IFFO2: variants seen among roughly 807,000 people sequenced by gnomAD.
IFFO2 encodes the protein intermediate filament family orphan 2.
In IFFO2, 19 loss-of-function variants were observed where a neutral mutation model predicts 53.5. That is an observed-to-expected ratio of 0.36 (90% CI 0.25 to 0.52). The LOEUF (loss-of-function observed/expected upper bound fraction) is 0.52, where lower values mean the gene tolerates loss of function less well. Among genes scored for constraint, IFFO2 ranks in the 20% least tolerant of loss-of-function variants. The pLI, the probability that IFFO2 is intolerant of heterozygous loss-of-function variation, is 0.94. For synonymous variants in IFFO2, 303 were observed against 313.6 expected (o/e 0.97, Z 0.36); for missense variants, 570 against 727.4 (o/e 0.78, Z 2.49).
At chr1:18,953,710 G>A (rs190291088) in intron 1 of IFFO2, among the ~76,000 whole-genome samples, 2 of 152,238 alleles carry the variant, frequency 1.3e-5, no homozygotes, top group Non-Finnish European at 2.9e-5. Context: ...AGAAGGGCGG[G>A]AAGAGAGACG....
chr1:18,935,916 A>C (rs1426846146), intron 1 of IFFO2, among the ~76,000 whole-genome samples: 1 of 124,510 alleles, frequency 8.0e-6, no homozygotes, highest in Non-Finnish European at 1.6e-5. Flanking sequence ...TATGTTGCCC[A>C]GATTGGTCTC....
chr1:18,908,138 G>T lies in IFFO2; in HGVS notation c.*423C>A. ...GCATAGCCCATGGCCAATCAGAGGA[G>T]CAGGTGGGACGGACGGCAGAAACCA... On this transcript the variant is annotated 3_prime_UTR_variant, in exon 9 of 9. Transcript: ENST00000455833. 4.7e-6 allele frequency: 1 copy of T among 211,628 alleles called. No individual in the cohort carries two copies. Among genetic ancestry groups the T allele is most frequent in the South Asian group, 7.4e-5 (1 of 13,532 alleles). 13.1% of individuals were successfully genotyped at this position (211,628 alleles called of 1,614,324 possible).
At chr1:18,926,010 TGGA>T (rs1184650760) in intron 1 of IFFO2, among the ~76,000 whole-genome samples, 7 of 78,496 alleles carry the variant, frequency 8.9e-5, no homozygotes, top group African/African-American at 1.6e-4. Context: ...ATTGGTTGGA[TGGA>T]TGGATGGATG....
chr1:18,932,441 C>A (rs1019410754), intron 1 of IFFO2, among the ~76,000 whole-genome samples: 3 of 152,304 alleles, frequency 2.0e-5, no homozygotes, highest in East Asian at 1.9e-4. Context: ...CACCCCTGAC[C>A]CCCCCAGACT....
intron 1 of IFFO2, among the ~76,000 whole-genome samples, chr1:18,925,904 T>G (rs1249940794): frequency 9.2e-4 from 11 of 11,900 alleles, no homozygotes; most frequent in East Asian, 2.1e-3. Flanking sequence ...TTGGATGGAT[T>G]GGTTGGATGG....
Position 18,918,508 on chromosome 1 carries a change from G to T in IFFO2, c.823-6C>A. On this transcript the variant is annotated splice_polypyrimidine_tract_variant and splice_region_variant and intron_variant, in intron 3 of 8. Coordinates refer to ENST00000455833, the MANE Select transcript of IFFO2 (RefSeq NM_001136265.2). This position sits in a 1 kb window ranked among gnomAD's most constrained non-coding sequence, Gnocchi z 5.2. ...GTGTCCAGGTCTGTCATGGGCTGCA[G>T]GGAGGACAGCAGGGTTTACATGAGC... The T allele has an allele frequency of 6.4e-7, 1 of 1,552,376 alleles. No homozygotes were observed. Among genetic ancestry groups the T allele is most frequent in the South Asian group, 1.2e-5 (1 of 84,060 alleles).
At chr1:18,937,649 AT>A (rs1557647022) in intron 1 of IFFO2, among the ~76,000 whole-genome samples, 2 of 152,210 alleles carry the variant, frequency 1.3e-5, no homozygotes, top group Admixed American at 6.5e-5. Context: ...GGAGCTTGTC[AT>A]CTCCTCACCC....
At chr1:18,908,985 T>G (rs966951939) in intron 8 of IFFO2, among the ~76,000 whole-genome samples, 2 of 151,926 alleles carry the variant, frequency 1.3e-5, no homozygotes, top group Non-Finnish European at 2.9e-5. Context: ...AAGTAAAACC[T>G]GAATGACTCA....
At chr1:18,951,729 AG>A (rs1452108215) in intron 1 of IFFO2, among the ~76,000 whole-genome samples, 1 of 152,212 alleles carries the variant, frequency 6.6e-6, no homozygotes, top group African/African-American at 2.4e-5. Context: ...CAATGAAGAC[AG>A]GGGAAACGGT....
At position 18,916,676 on chromosome 1, in the gene IFFO2, A is replaced by G. The variant is rs1439027945; in HGVS notation, c.1103+227T>C. On this transcript the variant is annotated intron_variant, in intron 5 of 8. Transcript: ENST00000455833. The surrounding 1 kb of genome is among the most constrained non-coding windows in gnomAD (Gnocchi z 4.3). ...CAACTACTTGGGAGGCTGAGATGAAAGGATCCCTAAACCCAAGAGGTTGAG... is the reference window on the plus strand; with the variant it reads ...CAACTACTTGGGAGGCTGAGATGAAGGGATCCCTAAACCCAAGAGGTTGAG... Among the ~76,000 whole-genome samples the G allele has an allele frequency of 6.6e-6, 1 of 152,116 alleles. No homozygotes were observed. Among genetic ancestry groups the G allele is most frequent in the East Asian group, 1.9e-4 (1 of 5,180 alleles).
Position 18,916,958 on chromosome 1 carries a change from C to G in IFFO2, c.1048G>C (p.Asp350His). ...QDGEVNRFSD[D>H]EVGSMNITDE... ...GTGATGTTCATGGAGCCGACCTCAT[C>G]GTCCGAGAACCGGTTCACCTCCCCG... The change falls in exon 5 of 9, where the codon GAT (aspartate) becomes CAT (histidine). Residue 350 changes from aspartate to histidine, a missense_variant. Coordinates refer to ENST00000455833, the MANE Select transcript of IFFO2 (RefSeq NM_001136265.2). The surrounding 1 kb of genome is among the most constrained non-coding windows in gnomAD (Gnocchi z 4.3). 1 of 1,552,044 alleles carries G rather than the reference C, an allele frequency of 6.4e-7. No individual in the cohort carries two copies. The highest frequency in any genetic ancestry group is 8.7e-7 in the Non-Finnish European group (1 of 1,147,068).
chr1:18,923,490 C>T (rs1406568548), intron 1 of IFFO2, among the ~76,000 whole-genome samples: 1 of 152,232 alleles, frequency 6.6e-6, no homozygotes, highest in African/African-American at 2.4e-5. Context: ...CAACCATTAA[C>T]TGGGGGGTAC....
chr1:18,921,246 A>G (rs1936212323), intron 1 of IFFO2, 125 bp from the exon 2 acceptor site: 1 of 817,762 alleles, frequency 1.2e-6, no homozygotes, highest in Non-Finnish European at 2.0e-6. Context: ...GCATTGGGGC[A>G]TCCATCCCTG....
chr1:18,944,502 G>A (rs1298919480), intron 1 of IFFO2, among the ~76,000 whole-genome samples: 1 of 152,084 alleles, frequency 6.6e-6, no homozygotes, highest in African/African-American at 2.4e-5. Flanking sequence ...GGTCTCCAGT[G>A]GCCAGCATTG....
At position 18,908,200 on chromosome 1, in the gene IFFO2, A is replaced by G; in HGVS notation, c.*361T>C. On this transcript the variant is annotated 3_prime_UTR_variant, in exon 9 of 9. Transcript: ENST00000455833. ...GGCCGGTTGGCCCGGCCCTCAGCTT[A>G]GAGTTCTGTATAAAAACACCTGCTA... The G allele has an allele frequency of 3.9e-6, 1 of 257,996 alleles. No homozygotes were observed. Among genetic ancestry groups the G allele is most frequent in the South Asian group, 4.5e-5 (1 of 22,356 alleles). 16.0% of individuals were successfully genotyped at this position (257,996 alleles called of 1,614,324 possible).
intron 1 of IFFO2, among the ~76,000 whole-genome samples, chr1:18,935,180 C>T (rs1936428625): frequency 6.6e-6 from 1 of 152,154 alleles, no homozygotes; most frequent in African/African-American, 2.4e-5. Context: ...CAAAAGATTG[C>T]CTCCGTTGGG....
intron 1 of IFFO2, among the ~76,000 whole-genome samples, chr1:18,945,944 C>G (rs1936582082): frequency 1.3e-5 from 2 of 152,230 alleles, no homozygotes; most frequent in African/African-American, 4.8e-5. Context: ...CAGAAATAAA[C>G]CCTGCAGGTT....
At position 18,917,135 on chromosome 1, in the gene IFFO2, A is replaced by G; in HGVS notation, c.964-93T>C. ...GGGAAGGGAGCCGGCATCTCACAGG[A>G]TGATGAGCGTGACTGGGGCCGGCCA... On this transcript the variant is annotated intron_variant, in intron 4 of 8. Transcript: ENST00000455833. The surrounding 1 kb of genome is among the most constrained non-coding windows in gnomAD (Gnocchi z 5.9). 7.2e-7 allele frequency: 1 copy of G among 1,395,126 alleles called. No individual in the cohort carries two copies. The highest frequency in any genetic ancestry group is 9.7e-7 in the Non-Finnish European group (1 of 1,026,904). 86.4% of individuals were successfully genotyped at this position (1,395,126 alleles called of 1,614,324 possible). A position where few individuals can be genotyped will look rare whatever the true frequency, so the allele number is the denominator to read the frequency against.
Position 18,916,907 on chromosome 1 carries a change from G to A in IFFO2, c.1099C>T (p.Gln367Ter). The change falls in exon 5 of 9, where the codon CAG becomes TAG. Residue 367 changes from glutamine (Q) to a stop codon, truncating the protein, a stop_gained. Coordinates refer to ENST00000455833, the MANE Select transcript of IFFO2 (RefSeq NM_001136265.2). LOFTEE classifies it high-confidence loss of function. This position sits in a 1 kb window ranked among gnomAD's most constrained non-coding sequence, Gnocchi z 4.3. ...ITDEMKRMFN[Q>*]LRETFDFDDD... is the part of the protein sequence containing the mutation. The stretch of plus-strand genomic sequence containing the variant: ...GCGGGCCACGGGGATACTCACAGCT[G>A]GTTAAACATGCGCTTCATCTCATCG... 6.4e-7 allele frequency: 1 copy of A among 1,551,812 alleles called. No individual in the cohort carries two copies. Among genetic ancestry groups the A allele is most frequent in the East Asian group, 2.4e-5 (1 of 40,934 alleles).
Sources: allele counts gnomAD v4.1 joint callset (sites outside exome capture counted in the v4.1 genomes callset), GRCh38; gene constraint gnomAD v4.1.1; non-coding constraint Gnocchi (gnomAD v3.1); transcripts MANE v1.5; gene names NCBI Gene and HGNC (gene_info 2026-07-23, HGNC 2026-07-21).